The following LYPD6 variants were observed in gnomAD, a reference collection of about 807,000 sequenced individuals.
LYPD6 encodes LY6/PLAUR domain containing 6, also known as ly6/PLAUR domain-containing protein 6.
Under a neutral mutation model 22.7 loss-of-function variants are expected in LYPD6, and 15 were observed. That is an observed-to-expected ratio of 0.66 (90% confidence interval 0.44 to 1.02). LYPD6 has a LOEUF of 1.02. LYPD6 is among the 50% of genes least tolerant of loss of function. The pLI is 0.00. For synonymous variants in LYPD6, 72 were observed against 77.5 expected (o/e 0.93, Z 0.37); for missense variants, 189 against 208.4 (o/e 0.91, Z 0.57).
chr2:149,453,676 A>T (rs1446412037), intron 3 of LYPD6, among the ~76,000 whole-genome samples: 3 of 152,230 alleles, frequency 2.0e-5, no homozygotes, highest in Admixed American at 6.5e-5. Context: ...TGTAAATGTG[A>T]TCCTCAGCTC....
intron 1 of LYPD6, among the ~76,000 whole-genome samples, chr2:149,374,583 T>C (rs1189874767): frequency 6.6e-6 from 1 of 152,192 alleles, no homozygotes; most frequent in South Asian, 2.1e-4. Flanking sequence ...TCCCTTCTCT[T>C]GTTTGCTGAG....
At chr2:149,402,501 C>T (rs1042326318) in intron 1 of LYPD6, among the ~76,000 whole-genome samples, 8 of 152,182 alleles carry the variant, frequency 5.3e-5, no homozygotes, top group Non-Finnish European at 8.8e-5. Context: ...TACATTCCCA[C>T]TAACAGTGTA....
chr2:149,476,550 G>A (rs1390449484), downstream of LYPD6, among the ~76,000 whole-genome samples: 1 of 152,056 alleles, frequency 6.6e-6, no homozygotes. Flanking sequence ...GGCTTGTGTT[G>A]TCTAAGTGGG....
At chr2:149,385,460 C>T (rs1313106808) in intron 1 of LYPD6, among the ~76,000 whole-genome samples, 1 of 152,196 alleles carries the variant, frequency 6.6e-6, no homozygotes. Context: ...AAACTACCAA[C>T]AGAGTCCTAA....
intron 1 of LYPD6, among the ~76,000 whole-genome samples, chr2:149,334,351 A>G (rs1366402213): frequency 6.6e-6 from 1 of 152,216 alleles, no homozygotes; most frequent in African/African-American, 2.4e-5. Context: ...TCATCATACC[A>G]AACATGTACT....
intron 1 of LYPD6, among the ~76,000 whole-genome samples, chr2:149,352,755 TGGCCCTTTATAGAAAAAGTTTGCTG>T (rs1193166636): frequency 2.6e-4 from 40 of 152,378 alleles, no homozygotes; most frequent in African/African-American, 9.4e-4. Context: ...ATTTGTTATC[TGGCCCTTTATAGAAAAAGTTTGCTG>T]GGCCCTACAT....
intron 1 of LYPD6, among the ~76,000 whole-genome samples, chr2:149,411,069 G>A (rs2105122131): frequency 6.6e-6 from 1 of 152,330 alleles, no homozygotes; most frequent in Middle Eastern, 3.4e-3. Context: ...AAGGTCCAAA[G>A]TGTGGTGCCA....
At chr2:149,482,740 A>C in the LYPD6 span, among the ~76,000 whole-genome samples, 1 of 152,176 alleles carries the variant, frequency 6.6e-6, no homozygotes, top group Admixed American at 6.5e-5. Flanking sequence ...CTTTAAGCTT[A>C]CTGGGCTGTT....
intron 1 of LYPD6, among the ~76,000 whole-genome samples, chr2:149,415,646 G>A (rs910346168): frequency 6.6e-6 from 1 of 151,984 alleles, no homozygotes; most frequent in African/African-American, 2.4e-5. Context: ...AGGAAGGGCT[G>A]GGTAGGCCTT....
At chr2:149,400,238 C>T (rs1372589325) in intron 1 of LYPD6, among the ~76,000 whole-genome samples, 1 of 152,222 alleles carries the variant, frequency 6.6e-6, no homozygotes, top group African/African-American at 2.4e-5. Flanking sequence ...ATTCTACCCT[C>T]CTGGGTTACC....
At chr2:149,351,707 A>G (rs547008150) in intron 1 of LYPD6, among the ~76,000 whole-genome samples, 78 of 152,346 alleles carry the variant, frequency 5.1e-4, no homozygotes, top group Non-Finnish European at 8.5e-4. Flanking sequence ...AGAAAGGCAT[A>G]GATAGCACAG....
intron 1 of LYPD6, among the ~76,000 whole-genome samples, chr2:149,345,580 G>T (rs1299414411): frequency 6.6e-6 from 1 of 151,610 alleles, no homozygotes; most frequent in Non-Finnish European, 1.5e-5. Flanking sequence ...CTCCCAAAGT[G>T]CTGGGATTAC....
chr2:149,362,799 A>C (rs1018633413), intron 1 of LYPD6, among the ~76,000 whole-genome samples: 1 of 152,182 alleles, frequency 6.6e-6, no homozygotes, highest in Non-Finnish European at 1.5e-5. Context: ...ACATTAATCC[A>C]TTCCGAGTCA....
intron 3 of LYPD6, among the ~76,000 whole-genome samples, chr2:149,458,578 A>G (rs72863993): frequency 9.8e-4 from 150 of 152,340 alleles, no homozygotes; most frequent in Non-Finnish European, 1.9e-3. Context: ...CTCAAACTGA[A>G]TGAAAAATAG....
chr2:149,400,600 G>A (rs1423138292), intron 1 of LYPD6, among the ~76,000 whole-genome samples: 2 of 142,938 alleles, frequency 1.4e-5, no homozygotes, highest in African/African-American at 5.2e-5. Context: ...GTTAGTTCTT[G>A]ACTAAATGTC....
intron 1 of LYPD6, among the ~76,000 whole-genome samples, chr2:149,390,157 C>T (rs1445546681): frequency 6.6e-6 from 1 of 152,134 alleles, no homozygotes; most frequent in East Asian, 1.9e-4. Flanking sequence ...TTCACAGTGC[C>T]ATATATTGAC....
chr2:149,339,230 G>A (rs144705070), intron 1 of LYPD6, among the ~76,000 whole-genome samples: 33 of 152,288 alleles, frequency 2.2e-4, no homozygotes, highest in African/African-American at 6.7e-4. Context: ...CATAGGGCAG[G>A]AACTCCTGCT....
intron 1 of LYPD6, among the ~76,000 whole-genome samples, chr2:149,335,624 G>A (rs561346105): frequency 5.9e-5 from 9 of 152,206 alleles, no homozygotes; most frequent in South Asian, 4.2e-4. Context: ...CTACAGTAAC[G>A]TCCTCAGCCT....
chr2:149,354,927 T>G (rs1295770614), intron 1 of LYPD6, among the ~76,000 whole-genome samples: 2 of 152,204 alleles, frequency 1.3e-5, no homozygotes, highest in East Asian at 3.8e-4. Flanking sequence ...TCGTGAGCCC[T>G]GAGAATTGGG....
Sources: allele counts gnomAD v4.1 joint callset (sites outside exome capture counted in the v4.1 genomes callset), GRCh38; gene constraint gnomAD v4.1.1; transcripts MANE v1.5; gene names NCBI Gene and HGNC (gene_info 2026-07-23, HGNC 2026-07-21).